PSG11: variants seen among roughly 807,000 people sequenced by gnomAD.
The protein encoded by PSG11 is pregnancy specific beta-1-glycoprotein 11, also known as pregnancy-specific beta-1-glycoprotein 11.
In PSG11, 42 loss-of-function variants were observed where a neutral mutation model predicts 36.0. The ratio of observed to expected loss-of-function variants is 1.17; its 90% CI spans 0.91 to 1.51. The LOEUF is 1.51. Among genes scored for constraint, PSG11 ranks in the 40% most tolerant of loss-of-function variants. The pLI is 0.00. For synonymous variants in PSG11, 206 were observed against 153.5 expected (o/e 1.34, Z -2.53); for missense variants, 558 against 403.5 (o/e 1.38, Z -3.28).
At chr19:43,016,104 A>C in intron 3 of PSG11, 1 of 1,549,612 alleles carries the variant, frequency 6.5e-7, no homozygotes, top group Admixed American at 1.8e-5. Context: ...CTCCACAGGC[A>C]TCCTTCAATC....
chr19:43,015,153 G>T lies in PSG11; in HGVS notation c.927C>A (p.Gly309=), dbSNP rs1017974898. Reference sequence around the variant, plus strand: ...TTGTCAAGGATGTGGAGCTTTCCTCGCCAGTGGCTGAGTTACGAGCAGAGC... The same window carrying T: ...TTGTCAAGGATGTGGAGCTTTCCTCTCCAGTGGCTGAGTTACGAGCAGAGC... ...YACSARNSAT[G]EESSTSLTIR... The change falls in exon 4 of 6, where the codon GGC becomes GGA. Residue 309 remains glycine (G), a synonymous_variant. Coordinates refer to ENST00000320078, the MANE Select transcript of PSG11 (RefSeq NM_002785.3). 1 of 1,611,884 alleles carries T rather than the reference G, an allele frequency of 6.2e-7. No individual in the cohort carries two copies. Among genetic ancestry groups the T allele is most frequent in the Non-Finnish European group, 8.5e-7 (1 of 1,178,878 alleles).
At chr19:43,025,640 G>A (rs574398918) in intron 1 of PSG11, among the ~76,000 whole-genome samples, 13 of 142,938 alleles carry the variant, frequency 9.1e-5, no homozygotes, top group Non-Finnish European at 1.5e-4. Context: ...TCTCAGGGCC[G>A]TCCACGCCCT....
At position 43,015,170 on chromosome 19, in the gene PSG11, G is replaced by T; in HGVS notation, c.910C>A (p.Arg304Ser). Reference protein sequence around the residue: ...KHNGLYACSARNSATGEESST... With the variant: ...KHNGLYACSASNSATGEESST... ...CTTTCCTCGCCAGTGGCTGAGTTAC[G>T]AGCAGAGCAAGCATAGAGCCCATTA... is the stretch of plus-strand genomic sequence containing the variant. The change falls in exon 4 of 6, where the codon CGT becomes AGT. Residue 304 changes from arginine to serine, a missense_variant. Transcript: ENST00000320078. The T allele has an allele frequency of 1.2e-6, 2 of 1,611,808 alleles. No individual in the cohort carries two copies. The highest frequency in any genetic ancestry group is 3.3e-4 in the Middle Eastern group (2 of 6,054).
chr19:43,018,336 T>G, intron 3 of PSG11: 1 of 315,968 alleles, frequency 3.2e-6, no homozygotes, highest in Non-Finnish European at 6.1e-6. Flanking sequence ...GTAATAGGTG[T>G]ATGAGGAAGA....
intron 5 of PSG11, among the ~76,000 whole-genome samples, chr19:43,008,745 T>C (rs1973995487): frequency 6.6e-6 from 1 of 151,392 alleles, no homozygotes; most frequent in South Asian, 2.1e-4. Context: ...GTGTAGCCCA[T>C]TCATAAATAG....
Position 43,011,701 on chromosome 19 carries a change from C to T in PSG11, c.965-1660G>A, listed in dbSNP as rs529665568. Among the ~76,000 whole-genome samples, 16 of 150,936 alleles carry T rather than the reference C, an allele frequency of 1.1e-4. No individual in the cohort carries two copies. The East Asian group carries it at 2.9e-3, about 28-fold the overall frequency. On this transcript the variant is annotated intron_variant, in intron 4 of 5. Transcript: ENST00000320078. ...CAGGTGTTTTGACCAGCATAGGTAACCTGGGGAGATACTGTCTCTACAAAA... is the reference window on the plus strand; with the variant it reads ...CAGGTGTTTTGACCAGCATAGGTAATCTGGGGAGATACTGTCTCTACAAAA...
rs567315079 is a variant in PSG11 at position 43,018,491 on chromosome 19, T to C, written c.709+279A>G. 55 of 711,226 alleles carry C rather than the reference T, an allele frequency of 7.7e-5. 2 individuals are homozygous for C. Among genetic ancestry groups the C allele is most frequent in the Admixed American group, 1.2e-4 (4 of 32,220 alleles). 44.1% of individuals were successfully genotyped at this position (711,226 alleles called of 1,614,324 possible). A position where few individuals can be genotyped will look rare whatever the true frequency, so the allele number is the denominator to read the frequency against. ...CAAGACTGAAGTCCCAGCCAAATCC[T>C]CGCTGTGTTCACTGATCTGGAGCCT... On this transcript the variant is annotated intron_variant, in intron 3 of 5. Transcript: ENST00000320078.
chr19:43,026,172 A>T (rs2526715), intron 1 of PSG11, 137 bp downstream of exon 1: 633,021 of 1,343,932 alleles, frequency 0.47, 157,020 homozygotes, highest in East Asian at 0.89. Flanking sequence ...TGAACTCCTG[A>T]TCTCGTGATC....
At chr19:43,016,795 C>T (rs1465978225) in intron 3 of PSG11, among the ~76,000 whole-genome samples, 1 of 151,518 alleles carries the variant, frequency 6.6e-6, no homozygotes, top group East Asian at 1.9e-4. Context: ...CTTTAAGTTT[C>T]CTTTCCTTCT....
In PSG11 at chr19:43,015,647, C is replaced by T; in HGVS notation, c.710-277G>A. ...GTTTTCCCAGGGCAGGGAGTCATGGCCACCTCGGATGTCCAAAAGTAAAGG... is the reference window on the plus strand; with the variant it reads ...GTTTTCCCAGGGCAGGGAGTCATGGTCACCTCGGATGTCCAAAAGTAAAGG... On this transcript the variant is annotated intron_variant, in intron 3 of 5. Coordinates refer to ENST00000320078, the MANE Select transcript of PSG11 (RefSeq NM_002785.3). 10 of 1,516,920 alleles carry T rather than the reference C, an allele frequency of 6.6e-6. 1 individual carries two copies. The highest frequency in any genetic ancestry group is 8.8e-6 in the Non-Finnish European group (10 of 1,133,308). The allele number at this position is 1,516,920 out of a possible 1,614,324, so 94.0% of individuals were successfully genotyped here.
At chr19:43,009,345 A>G (rs1974013964) in intron 5 of PSG11, among the ~76,000 whole-genome samples, 1 of 151,408 alleles carries the variant, frequency 6.6e-6, no homozygotes, top group Admixed American at 6.6e-5. Flanking sequence ...GTTTTTAGAC[A>G]TAGCATTGGA....
At chr19:43,012,105 A>G (rs1212493628) in intron 4 of PSG11, among the ~76,000 whole-genome samples, 2 of 151,316 alleles carry the variant, frequency 1.3e-5, no homozygotes, top group Non-Finnish European at 2.9e-5. Flanking sequence ...ATGAAATTCA[A>G]TATTTTTTCA....
Position 43,014,310 on chromosome 19 carries a change from C to T in PSG11, c.964+806G>A, listed in dbSNP as rs565363188. The T allele has an allele frequency of 1.4e-5, 12 of 877,330 alleles. No homozygotes were observed. In the East Asian group the frequency reaches 9.8e-4, roughly 72 times the overall value. The allele number at this position is 877,330 out of a possible 1,614,324, so 54.3% of individuals were successfully genotyped here. A position where few individuals can be genotyped will look rare whatever the true frequency, so the allele number is the denominator to read the frequency against. On this transcript the variant is annotated intron_variant, in intron 4 of 5. Transcript: ENST00000320078. Reference sequence around the variant, plus strand: ...TATAATTACACACTTTTTGGCACTGCCCCTTTCCTGCCATGCAGAGCCCCA... The same window carrying T: ...TATAATTACACACTTTTTGGCACTGTCCCTTTCCTGCCATGCAGAGCCCCA...
In PSG11 at chr19:43,022,042, G is replaced by A. The variant is rs1000980262; in HGVS notation, c.430+2649C>T. Among the ~76,000 whole-genome samples the A allele has an allele frequency of 4.0e-5, 6 of 151,586 alleles. 2 individuals carry two copies. Among genetic ancestry groups the A allele is most frequent in the East Asian group, 3.9e-4 (2 of 5,150 alleles). On this transcript the variant is annotated intron_variant, in intron 2 of 5. Coordinates refer to ENST00000320078, the MANE Select transcript of PSG11 (RefSeq NM_002785.3). ...TATGGTTTAACTTTGAAGCAAGAAT[G>A]ATAATAGTTCCTCCATAAAACTAAC...
chr19:43,007,742 C>G lies in PSG11; in HGVS notation c.*341G>C, dbSNP rs12213. On this transcript the variant is annotated 3_prime_UTR_variant, in exon 6 of 6. Transcript: ENST00000320078. ...TTCTGGGGCACTCAGAGAGCAAAAG[C>G]AAATGTTTCAATTTTTGTTTACAAA... The G allele has an allele frequency of 0.034, 7,411 of 217,424 alleles. 789 individuals carry two copies. Among genetic ancestry groups the G allele is most frequent in the African/African-American group, 0.16 (6,810 of 43,490 alleles). 13.5% of individuals were successfully genotyped at this position (217,424 alleles called of 1,614,324 possible). A position where few individuals can be genotyped will look rare whatever the true frequency, so the allele number is the denominator to read the frequency against.
intron 3 of PSG11, chr19:43,017,697 G>A (rs1394176329): frequency 6.6e-6 from 1 of 151,300 alleles, no homozygotes; most frequent in African/African-American, 2.4e-5. Flanking sequence ...CTCACTTTGG[G>A]TAGTATTGTC....
In PSG11 at chr19:43,024,705, G is replaced by T; in HGVS notation, c.416C>A (p.Thr139Asn). The change falls in exon 2 of 6, where the codon ACC (threonine) becomes AAC (asparagine). Residue 139 changes from threonine to asparagine, a missense_variant. Coordinates refer to ENST00000320078, the MANE Select transcript of PSG11 (RefSeq NM_002785.3). Reference sequence around the variant, plus strand: ...GAATCACTTACGGTATAAGGTGAAGGTGAAATATCCAGTTACTCCTCTAGT... The same window carrying T: ...GAATCACTTACGGTATAAGGTGAAGTTGAAATATCCAGTTACTCCTCTAGT... ...DGTRGVTGYF[T>N]FTLYLETPKP... 6.2e-7 allele frequency: 1 copy of T among 1,610,780 alleles called. No individual in the cohort carries two copies. Among genetic ancestry groups the T allele is most frequent in the East Asian group, 2.2e-5 (1 of 44,782 alleles).
intron 3 of PSG11, chr19:43,018,281 GT>G (rs1967014829): frequency 5.0e-6 from 1 of 198,360 alleles, no homozygotes; most frequent in Admixed American, 5.2e-5. Context: ...CTGCCAGTGG[GT>G]GAGTGTCTAT....
chr19:43,026,042 C>T (rs774284620), intron 1 of PSG11, among the ~76,000 whole-genome samples: 3 of 144,352 alleles, frequency 2.1e-5, no homozygotes, highest in East Asian at 4.2e-4. Flanking sequence ...CCCTGGTTCA[C>T]GTGATTCTCC....
Sources: allele counts gnomAD v4.1 joint callset (sites outside exome capture counted in the v4.1 genomes callset), GRCh38; gene constraint gnomAD v4.1.1; transcripts MANE v1.5; gene names NCBI Gene and HGNC (gene_info 2026-07-23, HGNC 2026-07-21).